The following JAK1 variants were observed in gnomAD, a reference collection of about 807,000 sequenced individuals.
JAK1 encodes tyrosine-protein kinase JAK1.
Under a neutral mutation model 136.6 loss-of-function variants are expected in JAK1, and 16 were observed. That is an observed-to-expected ratio of 0.12 (90% CI 0.08 to 0.18). The LOEUF (loss-of-function observed/expected upper bound fraction) is 0.18. JAK1 is among the 10% of genes least tolerant of loss of function. The pLI, the probability that JAK1 is intolerant of heterozygous loss-of-function variation, is 1.00. For synonymous variants in JAK1, 492 were observed against 519.5 expected, an observed-to-expected ratio of 0.95 and a Z score of 0.72; for missense variants, 859 against 1,450.1, an observed-to-expected ratio of 0.59 and a Z score of 6.62.
chr1:65,053,278 G>A (rs576758636), intron 1 of JAK1, among the ~76,000 whole-genome samples: 120 of 151,834 alleles, frequency 7.9e-4, no homozygotes, highest in Non-Finnish European at 1.2e-3. Context: ...CCCGGGAGGC[G>A]GAGGTTGCAA....
Position 64,839,673 on chromosome 1 carries a change from C to T in JAK1, c.2772G>A (p.Lys924=). The change falls in exon 20 of 25, where the codon AAG becomes AAA. Residue 924 remains lysine (K), a synonymous_variant. Coordinates refer to ENST00000342505, the MANE Select transcript of JAK1 (RefSeq NM_002227.4). ...AGAGGTTCCTTAAGATCTCGATTTC[C>T]TTTTTCAGATCAGCTATGTGGTTAC... The part of the protein sequence containing the change: ...SGGNHIADLK[K]EIEILRNLYH... The T allele has an allele frequency of 6.2e-7, 1 of 1,614,204 alleles. No homozygotes were observed. Among genetic ancestry groups the T allele is most frequent in the Non-Finnish European group, 8.5e-7 (1 of 1,180,028 alleles).
At chr1:64,874,638 C>G (rs182911074) in intron 4 of JAK1, among the ~76,000 whole-genome samples, 35 of 152,256 alleles carry the variant, frequency 2.3e-4, no homozygotes, top group African/African-American at 7.7e-4. Flanking sequence ...AGTGACTGAG[C>G]CAAGCCAGCC....
rs906496573 is a variant in JAK1, at chr1:64,848,825, T to C, written c.1756-1150A>G. Among the ~76,000 whole-genome samples the C allele has an allele frequency of 2.6e-5, 4 of 152,142 alleles. No individual in the cohort carries two copies. The East Asian group carries it at 7.7e-4, about 29-fold the overall frequency. On this transcript the variant is annotated intron_variant, in intron 12 of 24. Coordinates refer to ENST00000342505, the MANE Select transcript of JAK1 (RefSeq NM_002227.4). ...CCTAGGGAATCAGTCTTATCCCCCATAGGAACATACACCATTGTTAATCAG... is the reference window on the plus strand; with the variant it reads ...CCTAGGGAATCAGTCTTATCCCCCACAGGAACATACACCATTGTTAATCAG...
intron 2 of JAK1, among the ~76,000 whole-genome samples, chr1:64,886,026 G>A (rs1644847455): frequency 2.0e-5 from 3 of 152,148 alleles, no homozygotes; most frequent in African/African-American, 7.2e-5. Flanking sequence ...TAATAGTGGT[G>A]AACATCTAGG....
At chr1:65,064,874 G>A (rs962537779) in intron 1 of JAK1, among the ~76,000 whole-genome samples, 1 of 152,056 alleles carries the variant, frequency 6.6e-6, no homozygotes, top group East Asian at 1.9e-4. Context: ...TATTGTTGAC[G>A]TACAAAAACT....
intron 2 of JAK1, among the ~76,000 whole-genome samples, chr1:65,026,439 G>A (rs1646978280): frequency 6.6e-6 from 1 of 152,120 alleles, no homozygotes. Context: ...CCCACGGTTT[G>A]GCTTCCAGCA....
chr1:65,049,403 C>CA (rs1318567550), intron 1 of JAK1, among the ~76,000 whole-genome samples: 1 of 152,138 alleles, frequency 6.6e-6, no homozygotes, highest in African/African-American at 2.4e-5. Context: ...GCCTGGGTAA[C>CA]AGAGTGAGAT....
chr1:65,024,729 C>A (rs144144054), intron 2 of JAK1, among the ~76,000 whole-genome samples: 22 of 150,418 alleles, frequency 1.5e-4, no homozygotes, highest in African/African-American at 5.4e-4. Context: ...GTAACCCCAG[C>A]AGTTTGGGAG....
intron 1 of JAK1, among the ~76,000 whole-genome samples, chr1:64,951,427 T>G (rs892568957): frequency 1.3e-5 from 2 of 152,128 alleles, no homozygotes; most frequent in Non-Finnish European, 2.9e-5. Context: ...GAGGACTAAA[T>G]AAGTCTCTTC....
chr1:64,868,050 C>T (rs937451101), intron 6 of JAK1, among the ~76,000 whole-genome samples: 5 of 151,832 alleles, frequency 3.3e-5, no homozygotes, highest in African/African-American at 4.8e-5. Flanking sequence ...GAGAGAAAGA[C>T]ATACTAAAGC....
chr1:64,833,822 A>T lies in JAK1; in HGVS notation c.*740T>A, dbSNP rs1274074186. The T allele has an allele frequency of 4.3e-6, 1 of 232,836 alleles. No individual in the cohort carries two copies. The highest frequency in any genetic ancestry group is 6.0e-5 in the East Asian group (1 of 16,576). The allele number at this position is 232,836 out of a possible 1,614,324, so 14.4% of individuals were successfully genotyped here. On this transcript the variant is annotated 3_prime_UTR_variant, in exon 25 of 25. Coordinates refer to ENST00000342505, the MANE Select transcript of JAK1 (RefSeq NM_002227.4). Reference sequence around the variant, plus strand: ...CAGGTTCTGGGAATGAGTTCTGATTAAAGGTATACTGCTTAGGAAAGCACT... The same window carrying T: ...CAGGTTCTGGGAATGAGTTCTGATTTAAGGTATACTGCTTAGGAAAGCACT...
At chr1:64,934,902 T>C (rs966393105) in intron 1 of JAK1, among the ~76,000 whole-genome samples, 15 of 152,208 alleles carry the variant, frequency 9.9e-5, no homozygotes, top group South Asian at 2.1e-4. Context: ...ATCAGATGAA[T>C]GATGAGGGTC....
At chr1:64,955,710 TA>T (rs2100601085) in intron 1 of JAK1, among the ~76,000 whole-genome samples, 1 of 152,328 alleles carries the variant, frequency 6.6e-6, no homozygotes, top group African/African-American at 2.4e-5. Flanking sequence ...GGGAGCTAAA[TA>T]ATGTCTGCAC....
upstream of JAK1, among the ~76,000 whole-genome samples, chr1:64,970,144 A>AAAAAAC (rs1303566215): frequency 6.7e-5 from 10 of 148,820 alleles, 1 homozygote; most frequent in African/African-American, 2.0e-4. Flanking sequence ...CAAAAAAAAA[A>AAAAAAC]AAAAAAAAAA....
intron 1 of JAK1, among the ~76,000 whole-genome samples, chr1:65,047,590 G>A (rs996648003): frequency 4.6e-5 from 7 of 152,006 alleles, no homozygotes; most frequent in Non-Finnish European, 8.8e-5. Flanking sequence ...GTGGTGGCAG[G>A]TGCGTGTAGT....
chr1:65,062,044 G>C (rs1336092711), intron 1 of JAK1, among the ~76,000 whole-genome samples: 1 of 149,114 alleles, frequency 6.7e-6, no homozygotes, highest in Admixed American at 6.7e-5. Flanking sequence ...CCATGTGGAC[G>C]AAAAAAAAAC....
intron 2 of JAK1, among the ~76,000 whole-genome samples, chr1:65,022,127 A>G (rs1250131979): frequency 6.6e-6 from 1 of 152,176 alleles, no homozygotes; most frequent in Non-Finnish European, 1.5e-5. Context: ...CTACAAGAGT[A>G]ATGTTTTTGC....
intron 1 of JAK1, among the ~76,000 whole-genome samples, chr1:65,065,002 T>G (rs1473838514): frequency 3.3e-5 from 5 of 152,186 alleles, no homozygotes; most frequent in African/African-American, 1.2e-4. Flanking sequence ...CAACCCTCCC[T>G]CAAAGGAACC....
intron 1 of JAK1, among the ~76,000 whole-genome samples, chr1:64,944,439 T>C (rs2100538216): frequency 6.6e-6 from 1 of 152,286 alleles, no homozygotes; most frequent in East Asian, 1.9e-4. Flanking sequence ...CTAGAAGTTC[T>C]AATTCCTGTA....
Sources: allele counts gnomAD v4.1 joint callset (sites outside exome capture counted in the v4.1 genomes callset), GRCh38; gene constraint gnomAD v4.1.1; transcripts MANE v1.5; gene names NCBI Gene and HGNC (gene_info 2026-07-23, HGNC 2026-07-21).